PRKX: variants seen among roughly 807,000 people sequenced by gnomAD.
PRKX encodes the protein protein kinase cAMP-dependent X-linked catalytic subunit, also known as cAMP-dependent protein kinase catalytic subunit PRKX.
A neutral mutation model predicts 22.0 loss-of-function variants in PRKX; 12 were observed. The ratio of observed to expected loss-of-function variants is 0.54; its 90% CI spans 0.35 to 0.88. The LOEUF (loss-of-function observed/expected upper bound fraction) is 0.88. Among genes scored for constraint, PRKX ranks in the 40% least tolerant of loss-of-function variants. PRKX has a pLI of 0.01. For missense variants in PRKX, 217 were observed against 308.0 expected, an observed-to-expected ratio of 0.70 and a Z score of 2.21; for synonymous variants, 134 against 137.7, an observed-to-expected ratio of 0.97 and a Z score of 0.19.
chrX:3,665,147 CGTGTGTGTGCTTGTGT>C (rs1355317854), intron 2 of PRKX, among the ~76,000 whole-genome samples: 5 of 111,118 alleles, frequency 4.5e-5, no homozygotes, highest in African/African-American at 6.5e-5. Flanking sequence ...TGCACGTGCA[CGTGTGTGTGCTTGTGT>C]GTGTGCGTGC....
At chrX:3,701,111 TC>T (rs71860735) in intron 1 of PRKX, among the ~76,000 whole-genome samples, 42,788 of 109,172 alleles carry the variant, frequency 0.39, 6,767 homozygotes, top group Non-Finnish European at 0.47. Context: ...TTTCTTTTTT[TC>T]CTTTTCTTTC....
At chrX:3,686,884 C>T (rs867380195) in intron 1 of PRKX, among the ~76,000 whole-genome samples, 13 of 111,937 alleles carry the variant, frequency 1.2e-4, no homozygotes, top group African/African-American at 4.2e-4. Context: ...TGGTAAAATA[C>T]GCACAACATA....
chrX:3,658,135 C>T (rs1177181181), intron 2 of PRKX, among the ~76,000 whole-genome samples: 7 of 109,961 alleles, frequency 6.4e-5, no homozygotes, highest in Non-Finnish European at 5.7e-5. Flanking sequence ...GGATTATAGG[C>T]GCCCACCACC....
chrX:3,710,665 C>T (rs1171958195), intron 1 of PRKX, among the ~76,000 whole-genome samples: 1 of 112,141 alleles, frequency 8.9e-6, no homozygotes, highest in African/African-American at 3.2e-5. Context: ...TGAGCCACCA[C>T]GCCCAGCCTG....
intron 1 of PRKX, among the ~76,000 whole-genome samples, chrX:3,702,817 C>A (rs1367508585): frequency 1.9e-5 from 2 of 107,049 alleles, no homozygotes; most frequent in Non-Finnish European, 3.8e-5. Context: ...TCTCAGCCCC[C>A]CGAATAGCTG....
intron 2 of PRKX, among the ~76,000 whole-genome samples, chrX:3,668,455 G>T (rs1304875360): frequency 8.9e-6 from 1 of 111,762 alleles, no homozygotes; most frequent in African/African-American, 3.2e-5. Context: ...TAAAACAAAG[G>T]AATGATTTTA....
intron 5 of PRKX, 80 bp downstream of exon 5, chrX:3,626,339 T>C (rs1432252298): frequency 1.3e-6 from 1 of 744,635 alleles, no homozygotes. Flanking sequence ...TATGGTATCC[T>C]GCTGAGTGCG....
intron 1 of PRKX, among the ~76,000 whole-genome samples, chrX:3,690,909 C>G (rs1474198166): frequency 8.9e-6 from 1 of 112,312 alleles, no homozygotes; most frequent in Non-Finnish European, 1.9e-5. Context: ...GAGTGCAACT[C>G]TACCAAGAAA....
At chrX:3,635,576 G>C (rs996543427) in intron 4 of PRKX, among the ~76,000 whole-genome samples, 1 of 109,720 alleles carries the variant, frequency 9.1e-6, no homozygotes, top group Non-Finnish European at 1.9e-5. Context: ...TGTTCTTGAT[G>C]CTTTAGCTGA....
In PRKX at chrX:3,606,343, T is replaced by A. The variant is rs1926172925; in HGVS notation, c.*2626A>T. On this transcript the variant is annotated 3_prime_UTR_variant, in exon 9 of 9. Transcript: ENST00000262848. ...TGTTTCGTGATCGTCCATGCGGACA[T>A]TTTGGAATGCCCACCCGGGTCAGCT... The A allele has an allele frequency of 8.9e-6, 1 of 112,430 alleles. No homozygotes were observed. The highest frequency in any genetic ancestry group is 3.2e-5 in the African/African-American group (1 of 30,969). The allele number at this position is 112,430 out of a possible 1,213,427, so 9.3% of individuals were successfully genotyped here. A position where few individuals can be genotyped will look rare whatever the true frequency, so the allele number is the denominator to read the frequency against.
intron 1 of PRKX, among the ~76,000 whole-genome samples, chrX:3,687,168 C>T (rs995878886): frequency 6.3e-5 from 7 of 110,830 alleles, no homozygotes; most frequent in Admixed American, 5.8e-4. Flanking sequence ...TACAGGCATG[C>T]GCCACCATGT....
At chrX:3,685,060 G>A (rs1337518014) in intron 1 of PRKX, among the ~76,000 whole-genome samples, 1 of 110,953 alleles carries the variant, frequency 9.0e-6, no homozygotes, top group Non-Finnish European at 1.9e-5. Flanking sequence ...CAAGTGATTC[G>A]CCTGCCTCAG....
At chrX:3,630,475 G>A (rs1344590180) in intron 4 of PRKX, among the ~76,000 whole-genome samples, 1 of 111,682 alleles carries the variant, frequency 9.0e-6, no homozygotes, top group Non-Finnish European at 1.9e-5. Context: ...CAGCGGAATG[G>A]CGTGAACCCG....
In PRKX at chrX:3,684,176, C is replaced by T. The variant is rs762256081; in HGVS notation, c.167-9410G>A. ...CTGAGACAGGAGAATCGCTTGAACC[C>T]GGGAGGTGGAGGTTACAGTGAGCCA... On this transcript the variant is annotated intron_variant, in intron 1 of 8. Coordinates refer to ENST00000262848, the MANE Select transcript of PRKX (RefSeq NM_005044.5). 3.6e-5 allele frequency among the ~76,000 whole-genome samples: 4 copies of T among 110,326 alleles called. No individual in the cohort carries two copies. The South Asian group carries it at 1.2e-3, about 32-fold the overall frequency.
chrX:3,635,652 A>G (rs1926872571), intron 4 of PRKX, among the ~76,000 whole-genome samples: 1 of 110,990 alleles, frequency 9.0e-6, no homozygotes. Context: ...CACTGGTGCA[A>G]TCTCAGCTCA....
chrX:3,688,216 C>A (rs768358248), intron 1 of PRKX, among the ~76,000 whole-genome samples: 5 of 108,389 alleles, frequency 4.6e-5, no homozygotes, highest in African/African-American at 1.7e-4. Flanking sequence ...GAGGCCGAGG[C>A]AGGTGGATGA....
intron 2 of PRKX, among the ~76,000 whole-genome samples, chrX:3,663,381 A>AAATGCT (rs1927645134): frequency 9.7e-6 from 1 of 102,593 alleles, no homozygotes; most frequent in South Asian, 5.0e-4. Context: ...GCTTGAAATT[A>AAATGCT]TGAGTTTGAG....
chrX:3,712,812 T>C (rs763313607), intron 1 of PRKX, among the ~76,000 whole-genome samples: 2 of 112,263 alleles, frequency 1.8e-5, no homozygotes, highest in Non-Finnish European at 3.8e-5. Flanking sequence ...GTGCTGTGTG[T>C]GCTGGGGGTG....
intron 1 of PRKX, among the ~76,000 whole-genome samples, chrX:3,692,212 A>C (rs1331780725): frequency 9.1e-6 from 1 of 109,360 alleles, no homozygotes; most frequent in Non-Finnish European, 1.9e-5. Context: ...CCGACATTTG[A>C]GGCTGGATGA....
Sources: gnomAD v4.1 joint callset for allele counts (sites outside exome capture counted in the v4.1 genomes callset) on GRCh38, gnomAD v4.1.1 for gene constraint, MANE v1.5 for transcripts, NCBI Gene and HGNC (gene_info 2026-07-23, HGNC 2026-07-21) for gene names.